Variants in DIAPH2 observed in about 807,000 individuals in gnomAD.
DIAPH2 encodes diaphanous related formin 2.
DIAPH2 carries 35 observed loss-of-function variants against 92.7 expected under a neutral mutation model. The observed-to-expected ratio is 0.38, with a 90% CI of 0.29 to 0.50. The LOEUF (loss-of-function observed/expected upper bound fraction) is 0.50. Among genes scored for constraint, DIAPH2 ranks in the 20% least tolerant of loss-of-function variants. The pLI is 0.94. For missense variants in DIAPH2, 701 were observed against 819.5 expected, an observed-to-expected ratio of 0.86 and a Z score of 1.77; for synonymous variants, 301 against 280.4, an observed-to-expected ratio of 1.07 and a Z score of -0.73.
intron 26 of DIAPH2, among the ~76,000 whole-genome samples, chrX:97,487,691 C>G (rs2070698651): frequency 8.9e-6 from 1 of 112,031 alleles, no homozygotes; most frequent in South Asian, 3.7e-4. Context: ...ATTTTACATT[C>G]CCACTAACAG....
chrX:97,077,969 C>A (rs1392298326), intron 19 of DIAPH2, among the ~76,000 whole-genome samples: 2 of 111,394 alleles, frequency 1.8e-5, no homozygotes, highest in East Asian at 5.6e-4. Context: ...CTTTTAGAAT[C>A]ATTATTCTAG....
rs779897805 is a variant in DIAPH2 at position 96,758,217 on chromosome X, C to T, written c.406C>T (p.Arg136Cys). The T allele has an allele frequency of 1.3e-5, 16 of 1,204,990 alleles. No homozygotes were observed. The highest frequency in any genetic ancestry group is 1.8e-5 in the South Asian group (1 of 55,264). Residue 136 changes from arginine (R) to cysteine (C), a missense_variant, in exon 4 of 27, where the codon CGT becomes TGT. Transcript: ENST00000324765. ...ACGAAACAAAGACTTTACCACCAAA[C>T]GTGAGATGGTTGTCCAGTATATTTC... ...PLRNKDFTTK[R>C]EMVVQYISAT...
At chrX:96,752,592 T>C (rs557547407) in intron 3 of DIAPH2, among the ~76,000 whole-genome samples, 40 of 111,615 alleles carry the variant, frequency 3.6e-4, no homozygotes, top group East Asian at 1.1e-3. Flanking sequence ...CCTGAAAAAT[T>C]AGTGGTTGAG....
chrX:97,522,344 G>C (rs896171316), intron 26 of DIAPH2, among the ~76,000 whole-genome samples: 1 of 111,512 alleles, frequency 9.0e-6, no homozygotes, highest in Non-Finnish European at 1.9e-5. Context: ...ATGGGGTCTC[G>C]CTATGTTGCC....
intron 1 of DIAPH2, among the ~76,000 whole-genome samples, chrX:96,726,372 T>C (rs748073039): frequency 8.9e-6 from 1 of 111,995 alleles, no homozygotes; most frequent in East Asian, 2.8e-4. Context: ...ACATTGAGTT[T>C]ACAGTATTGC....
intron 19 of DIAPH2, among the ~76,000 whole-genome samples, chrX:97,079,412 G>C (rs1291798259): frequency 9.0e-6 from 1 of 111,015 alleles, no homozygotes; most frequent in Non-Finnish European, 1.9e-5. Flanking sequence ...AGGGAATTTG[G>C]GTAAATAAGG....
At chrX:96,708,207 C>T (rs78637167) in intron 1 of DIAPH2, among the ~76,000 whole-genome samples, 5,428 of 104,536 alleles carry the variant, frequency 0.052, 157 homozygotes, top group African/African-American at 0.07. Context: ...CAGGTGACAC[C>T]CATCCTCCTG....
intron 9 of DIAPH2, among the ~76,000 whole-genome samples, chrX:96,921,697 G>GTTTT (rs373282813): frequency 8.0e-5 from 7 of 88,012 alleles, no homozygotes; most frequent in Admixed American, 1.3e-4. Context: ...TACCTTTATG[G>GTTTT]TTTTTTTTTT....
intron 26 of DIAPH2, among the ~76,000 whole-genome samples, chrX:97,570,124 TAGA>T (rs1569426263): frequency 1.2e-3 from 13 of 11,009 alleles, no homozygotes; most frequent in African/African-American, 3.5e-3. Context: ...ATATATATAT[TAGA>T]AGATAGATAG....
At chrX:96,840,118 T>C (rs1004577380) in intron 4 of DIAPH2, among the ~76,000 whole-genome samples, 10 of 112,386 alleles carry the variant, frequency 8.9e-5, no homozygotes, top group Non-Finnish European at 1.5e-4. Flanking sequence ...TTTTATTAAC[T>C]CTCCATAATA....
chrX:96,711,852 A>G (rs1052536756), intron 1 of DIAPH2, among the ~76,000 whole-genome samples: 1 of 110,996 alleles, frequency 9.0e-6, no homozygotes, highest in African/African-American at 3.3e-5. Context: ...TTCAAATGTC[A>G]TAATATTTGT....
intron 1 of DIAPH2, among the ~76,000 whole-genome samples, chrX:96,729,013 G>T (rs1233599500): frequency 8.9e-6 from 1 of 112,114 alleles, no homozygotes; most frequent in East Asian, 2.8e-4. Context: ...TACATGTTAG[G>T]GAGACATGAG....
chrX:97,500,672 T>A (rs1293206383), intron 26 of DIAPH2, among the ~76,000 whole-genome samples: 1 of 105,840 alleles, frequency 9.4e-6, no homozygotes, highest in African/African-American at 3.4e-5. Context: ...ATCCTTGTTA[T>A]CAATATTGAA....
intron 22 of DIAPH2, among the ~76,000 whole-genome samples, chrX:97,188,666 A>G (rs1054277738): frequency 2.7e-5 from 3 of 112,528 alleles, no homozygotes; most frequent in African/African-American, 9.7e-5. Flanking sequence ...GCTCTGTATA[A>G]CTTTAATAAC....
At chrX:97,227,190 G>T (rs539994638) in intron 22 of DIAPH2, among the ~76,000 whole-genome samples, 1 of 110,937 alleles carries the variant, frequency 9.0e-6, no homozygotes, top group South Asian at 3.9e-4. Flanking sequence ...CAGGAGAATT[G>T]CTTGAGCCGG....
At chrX:97,506,768 T>G (rs768203074) in intron 26 of DIAPH2, among the ~76,000 whole-genome samples, 3 of 111,545 alleles carry the variant, frequency 2.7e-5, no homozygotes, top group African/African-American at 9.8e-5. Context: ...TCTGTCCACT[T>G]GTCTCCTTTT....
At chrX:96,791,239 A>G (rs1191479820) in intron 4 of DIAPH2, among the ~76,000 whole-genome samples, 1 of 112,014 alleles carries the variant, frequency 8.9e-6, no homozygotes, top group Non-Finnish European at 1.9e-5. Context: ...AGTTTGGAGC[A>G]TGTTTTTCAT....
At chrX:97,336,313 T>C (rs1206961664) in intron 23 of DIAPH2, among the ~76,000 whole-genome samples, 7 of 106,128 alleles carry the variant, frequency 6.6e-5, no homozygotes, top group African/African-American at 2.4e-4. Context: ...GGCACGATCT[T>C]GGCTCACTGT....
rs754379279 is a variant in DIAPH2 at position 97,153,842 on chromosome X, TC to T, written c.2719+12050del. 2.4e-3 allele frequency among the ~76,000 whole-genome samples: 265 copies of T among 111,264 alleles called. 2 individuals are homozygous for T. Among genetic ancestry groups the T allele is most frequent in the African/African-American group, 8.6e-3 (263 of 30,728 alleles). ...AAGGTTGATCATAAAATTTCCAATA[TC>T]CTATTTTGTTAGGATATCTTTTTCC... On this transcript the variant is annotated intron_variant, in intron 22 of 26. Coordinates refer to ENST00000324765, the MANE Select transcript of DIAPH2 (RefSeq NM_006729.5).
Sources: gnomAD v4.1 joint callset for allele counts (sites outside exome capture counted in the v4.1 genomes callset) on GRCh38, gnomAD v4.1.1 for gene constraint, MANE v1.5 for transcripts, NCBI Gene and HGNC (gene_info 2026-07-23, HGNC 2026-07-21) for gene names.